The following NPAS3 variants were observed in gnomAD, a reference collection of about 807,000 sequenced individuals.
NPAS3 encodes the protein neuronal PAS domain protein 3.
Under a neutral mutation model 73.1 loss-of-function variants are expected in NPAS3, and 14 were observed. The observed-to-expected ratio is 0.19, with a 90% CI of 0.13 to 0.30. NPAS3 has a LOEUF of 0.30. Ranked by LOEUF, NPAS3 falls within the 10% of genes least tolerant of loss-of-function variation. The probability of loss-of-function intolerance (pLI) is 1.00; values close to 1 mark genes in which losing one functional copy is unlikely to be tolerated. For synonymous variants in NPAS3, 620 were observed against 541.5 expected (o/e 1.14, Z -2.01); for missense variants, 1,096 against 1,250.0 (o/e 0.88, Z 1.86).
intron 4 of NPAS3, among the ~76,000 whole-genome samples, chr14:33,471,100 C>T (rs1241688329): frequency 6.6e-6 from 1 of 152,154 alleles, no homozygotes; most frequent in Non-Finnish European, 1.5e-5. Flanking sequence ...TTAGGTAGCT[C>T]TTCTGAGTTA....
At chr14:33,215,000 C>T in intron 2 of NPAS3, 182 bp from the exon 3 acceptor site, 1 of 615,880 alleles carries the variant, frequency 1.6e-6, no homozygotes, top group South Asian at 2.1e-5. Context: ...AATGTAAGGC[C>T]AGAGTTAGAG....
At chr14:33,050,107 G>A (rs951862569) in intron 1 of NPAS3, among the ~76,000 whole-genome samples, 3 of 152,116 alleles carry the variant, frequency 2.0e-5, no homozygotes, top group South Asian at 4.2e-4. Flanking sequence ...CCTAGGTCAC[G>A]TTAAAAGTCA....
Position 33,405,688 on chromosome 14 carries a change from A to T in NPAS3, c.468+38420A>T, listed in dbSNP as rs2047634967. Among the ~76,000 whole-genome samples, 4 of 152,112 alleles carry T rather than the reference A, an allele frequency of 2.6e-5. No homozygotes were observed. In the South Asian group the frequency reaches 8.3e-4, roughly 31 times the overall value. Reference sequence around the variant, plus strand: ...GCAAATCCCATTTAAAAAAAATCTCACAGTATCTATAGGAACATAAAATTC... The same window carrying T: ...GCAAATCCCATTTAAAAAAAATCTCTCAGTATCTATAGGAACATAAAATTC... On this transcript the variant is annotated intron_variant, in intron 4 of 11. Transcript: ENST00000356141.
At chr14:33,227,365 C>G (rs2047674267) in intron 3 of NPAS3, among the ~76,000 whole-genome samples, 1 of 152,090 alleles carries the variant, frequency 6.6e-6, no homozygotes, top group South Asian at 2.1e-4. Flanking sequence ...AATTGGAAAA[C>G]TAAAATAATA....
chr14:33,090,613 T>G (rs1008509966), intron 2 of NPAS3, among the ~76,000 whole-genome samples: 3 of 152,026 alleles, frequency 2.0e-5, no homozygotes, highest in African/African-American at 4.8e-5. Context: ...AACAAGGATA[T>G]CCAGGAATTC....
intron 2 of NPAS3, among the ~76,000 whole-genome samples, chr14:33,172,799 A>G (rs999645503): frequency 6.6e-6 from 1 of 152,148 alleles, no homozygotes; most frequent in Non-Finnish European, 1.5e-5. Context: ...AGTTCATCTT[A>G]TATCAAAAAT....
intron 1 of NPAS3, among the ~76,000 whole-genome samples, chr14:32,997,327 T>C (rs1418766298): frequency 6.6e-6 from 1 of 152,186 alleles, no homozygotes; most frequent in Non-Finnish European, 1.5e-5. Context: ...ACTTTTGAGT[T>C]AATGCTGAAA....
intron 5 of NPAS3, among the ~76,000 whole-genome samples, chr14:33,625,143 T>G (rs1430946006): frequency 6.6e-6 from 1 of 152,228 alleles, no homozygotes; most frequent in Non-Finnish European, 1.5e-5. Flanking sequence ...ACCTAATTGG[T>G]GACCTTGGCA....
intron 2 of NPAS3, among the ~76,000 whole-genome samples, chr14:33,077,774 G>GTTTTTTTTTTT (rs3057435): frequency 0.079 from 6,828 of 86,536 alleles, 870 homozygotes; most frequent in Middle Eastern, 0.1. Context: ...TGCAGTAAGG[G>GTTTTTTTTTTT]TTTTTTTTTT....
intron 1 of NPAS3, among the ~76,000 whole-genome samples, chr14:32,945,345 A>C (rs1326158098): frequency 6.6e-6 from 1 of 152,198 alleles, no homozygotes; most frequent in African/African-American, 2.4e-5. Flanking sequence ...TAAAAATAAA[A>C]ATAGGTTATA....
At chr14:32,961,690 A>C (rs905356957) in intron 1 of NPAS3, among the ~76,000 whole-genome samples, 2 of 152,104 alleles carry the variant, frequency 1.3e-5, no homozygotes, top group African/African-American at 4.8e-5. Context: ...TGTCTCAGTC[A>C]CCATGCTGAG....
intron 1 of NPAS3, among the ~76,000 whole-genome samples, chr14:32,940,161 G>T (rs563258205): frequency 1.9e-4 from 29 of 152,378 alleles, no homozygotes; most frequent in African/African-American, 6.0e-4. Context: ...TCTATGCCCC[G>T]TTAGTTACTG....
chr14:33,697,197 A>T (rs1027353207), intron 6 of NPAS3, among the ~76,000 whole-genome samples: 1 of 152,180 alleles, frequency 6.6e-6, no homozygotes, highest in African/African-American at 2.4e-5. Flanking sequence ...TGGTTACATC[A>T]CTGAGACTTT....
chr14:33,711,833 G>A (rs2060826686), intron 6 of NPAS3, among the ~76,000 whole-genome samples: 1 of 152,090 alleles, frequency 6.6e-6, no homozygotes, highest in South Asian at 2.1e-4. Context: ...ATAGTCAGGT[G>A]CCTGCTCACT....
chr14:33,138,603 G>A (rs1348862998), intron 2 of NPAS3, among the ~76,000 whole-genome samples: 4 of 152,248 alleles, frequency 2.6e-5, no homozygotes, highest in Admixed American at 2.0e-4. Context: ...AAACATCTAT[G>A]TGTTTATGTA....
rs565492373 is a variant in NPAS3, at chr14:33,725,284, T to TA, written c.734-9924dup. Among the ~76,000 whole-genome samples, 43 of 151,958 alleles carry TA rather than the reference T, an allele frequency of 2.8e-4. No individual in the cohort carries two copies. The East Asian group carries it at 7.9e-3, about 28-fold the overall frequency. ...ATAATAAAAAATAAATAAATAAATA[T>TA]AAAAAATAAAAGTATGGTTATTACC... is the stretch of plus-strand genomic sequence containing the variant. On this transcript the variant is annotated intron_variant, in intron 6 of 11. Transcript: ENST00000356141.
At chr14:33,099,075 A>C (rs2042507978) in intron 2 of NPAS3, among the ~76,000 whole-genome samples, 1 of 152,176 alleles carries the variant, frequency 6.6e-6, no homozygotes, top group African/African-American at 2.4e-5. Context: ...AGGCAAGGTC[A>C]GGTCTAACTC....
chr14:33,473,094 G>A (rs1484082844), intron 4 of NPAS3, among the ~76,000 whole-genome samples: 1 of 152,166 alleles, frequency 6.6e-6, no homozygotes, highest in Non-Finnish European at 1.5e-5. Context: ...CAGAGTAAAA[G>A]AGAGATTTTG....
chr14:33,253,988 T>C (rs1253669979), intron 3 of NPAS3, among the ~76,000 whole-genome samples: 3 of 152,230 alleles, frequency 2.0e-5, no homozygotes, highest in Admixed American at 1.3e-4. Context: ...GCTACCCAAA[T>C]ATAAACTGGG....
Sources: gnomAD v4.1 joint callset for allele counts (sites outside exome capture counted in the v4.1 genomes callset) on GRCh38, gnomAD v4.1.1 for gene constraint, MANE v1.5 for transcripts, NCBI Gene and HGNC (gene_info 2026-07-23, HGNC 2026-07-21) for gene names.